The following CLCN2 variants were observed in gnomAD, a reference collection of about 807,000 sequenced individuals.
CLCN2 encodes the protein chloride channel protein 2.
Under a neutral mutation model 108.3 loss-of-function variants are expected in CLCN2, and 72 were observed. The observed-to-expected ratio is 0.66, with a 90% confidence interval of 0.55 to 0.81. The LOEUF (loss-of-function observed/expected upper bound fraction) is 0.81. CLCN2 is among the 30% of genes least tolerant of loss of function. The probability of loss-of-function intolerance (pLI) is 0.00; values close to 1 mark genes in which losing one functional copy is unlikely to be tolerated. For synonymous variants in CLCN2, 471 were observed against 467.1 expected (o/e 1.01, Z -0.11); for missense variants, 1,048 against 1,205.2 (o/e 0.87, Z 1.93).
intron 10 of CLCN2, chr3:184,356,429 T>C (rs1728550144): frequency 1.2e-5 from 2 of 162,832 alleles, no homozygotes; most frequent in Admixed American, 1.1e-4. Context: ...AGACCTGAGG[T>C]CGGGAGTTCG....
Position 184,354,317 on chromosome 3 carries a change from G to A in CLCN2, c.1508-3C>T, listed in dbSNP as rs1482255832. 14 of 1,612,848 alleles carry A rather than the reference G, an allele frequency of 8.7e-6. No individual in the cohort carries two copies. The highest frequency in any genetic ancestry group is 1.1e-5 in the Non-Finnish European group (13 of 1,179,882). ...CGCTCCTGCCAGCGCAGCTGCCCCT[G>A]GGGACAGTCACACTCAGTCTCCTCA... On this transcript the variant is annotated splice_polypyrimidine_tract_variant and splice_region_variant and intron_variant, in intron 14 of 23. Coordinates refer to ENST00000265593, the MANE Select transcript of CLCN2 (RefSeq NM_004366.6).
At chr3:184,353,845 C>G (rs893809328) in intron 15 of CLCN2, 50 bp from the exon 16 acceptor site, 17 of 1,588,480 alleles carry the variant, frequency 1.1e-5, no homozygotes, top group Non-Finnish European at 1.4e-5. Flanking sequence ...GGGAGAGGTG[C>G]CCAGAGCATT....
rs199948879 is a variant in CLCN2, at chr3:184,354,669, G to A, written c.1397-11C>T. The A allele has an allele frequency of 2.7e-6, 4 of 1,465,476 alleles. No individual in the cohort carries two copies. The African/African-American group carries it at 4.3e-5, about 16-fold the overall frequency. 90.8% of individuals were successfully genotyped at this position (1,465,476 alleles called of 1,614,324 possible). On this transcript the variant is annotated splice_polypyrimidine_tract_variant and intron_variant, in intron 13 of 23. Coordinates refer to ENST00000265593, the MANE Select transcript of CLCN2 (RefSeq NM_004366.6). ...GCCCAAATGCTGCTCCTTCAGGGAG[G>A]GGGGTGGGAAGAGAAAGAGGCAGTG...
In CLCN2 at chr3:184,353,027, G is replaced by A. The variant is rs937977088; in HGVS notation, c.2143+6C>T. ...GGCTCTGTGGACACAGGAGACATGG[G>A]CTTACCTGTGGGACTCTCTCCGAGG... On this transcript the variant is annotated splice_donor_region_variant and intron_variant, in intron 18 of 23. Transcript: ENST00000265593. 5 of 1,609,294 alleles carry A rather than the reference G, an allele frequency of 3.1e-6. No individual in the cohort carries two copies. The highest frequency in any genetic ancestry group is 3.4e-6 in the Non-Finnish European group (4 of 1,175,632).
chr3:184,360,213 A>G (rs1711846598), intron 1 of CLCN2, among the ~76,000 whole-genome samples: 1 of 151,560 alleles, frequency 6.6e-6, no homozygotes, highest in Non-Finnish European at 1.5e-5. Flanking sequence ...GGGAGGTGAG[A>G]GTGGGAGAGA....
rs1200465467 is a variant in CLCN2 at position 184,358,691 on chromosome 3, A to C, written c.343T>G (p.Cys115Gly). The C allele has an allele frequency of 6.3e-7, 1 of 1,577,354 alleles. No individual in the cohort carries two copies. The highest frequency in any genetic ancestry group is 1.8e-5 in the Admixed American group (1 of 54,904). The stretch of plus-strand genomic sequence containing the variant: ...CAGCTGTCACCCTCACCTTGCAGAC[A>C]GGCAGCAATGGCATAGTCCATGACC... ...SWVMDYAIAA[C>G]LQAQQWMSRG... The change falls in exon 3 of 24, where the codon TGT (cysteine) becomes GGT (glycine). Residue 115 changes from cysteine to glycine, a missense_variant. Cys to Gly is a radical substitution (Grantham distance 159, BLOSUM62 -3). Coordinates refer to ENST00000265593, the MANE Select transcript of CLCN2 (RefSeq NM_004366.6).
At chr3:184,359,879 A>T (rs1319500784) in intron 1 of CLCN2, among the ~76,000 whole-genome samples, 1 of 150,274 alleles carries the variant, frequency 6.7e-6, no homozygotes, top group Non-Finnish European at 1.5e-5. Flanking sequence ...CGCCTGAACC[A>T]TGGCTAGACC....
In CLCN2 at chr3:184,358,264, C is replaced by G; in HGVS notation, c.399G>C (p.Gln133His). The G allele has an allele frequency of 6.2e-7, 1 of 1,614,172 alleles. No individual in the cohort carries two copies. The highest frequency in any genetic ancestry group is 1.1e-5 in the South Asian group (1 of 91,090). The change falls in exon 4 of 24, where the codon CAG becomes CAC. Residue 133 changes from glutamine (Q) to histidine (H), a missense_variant. By Grantham distance (24) the Gln-to-His change is conservative. Coordinates refer to ENST00000265593, the MANE Select transcript of CLCN2 (RefSeq NM_004366.6). Reference sequence around the variant, plus strand: ...CAGGGTAGGTGACCCAGGCCAGGTACTGGAGCAAGATGCTGGTGTTCAAGC... The same window carrying G: ...CAGGGTAGGTGACCCAGGCCAGGTAGTGGAGCAAGATGCTGGTGTTCAAGC... ...SRGLNTSILL[Q>H]YLAWVTYPVV...
At position 184,352,294 on chromosome 3, in the gene CLCN2, T is replaced by C; in HGVS notation, c.2309A>G (p.Glu770Gly). 6.2e-7 allele frequency: 1 copy of C among 1,613,408 alleles called. No homozygotes were observed. The highest frequency in any genetic ancestry group is 1.1e-5 in the South Asian group (1 of 91,048). ...GTCCAGAGTCCAGTGGCACCTTACC[T>C]CTTCAGGGCTCATCTCGCCTTCCAG... ...ADLEGEMSPE[E>G]ILEWEEQQLD... The change falls in exon 21 of 24, where the codon GAG becomes GGG. Residue 770 changes from glutamate (E) to glycine (G), a missense_variant and splice_region_variant. Transcript: ENST00000265593.
At chr3:184,348,209 G>A (rs1157862763) in intron 22 of CLCN2, 1 of 152,178 alleles carries the variant, frequency 6.6e-6, no homozygotes, top group African/African-American at 2.4e-5. Flanking sequence ...TTCAATTTTA[G>A]AATAAGCTCT....
In CLCN2 at chr3:184,352,210, G is replaced by T; in HGVS notation, c.2310+83C>A. On this transcript the variant is annotated intron_variant, in intron 21 of 23. Coordinates refer to ENST00000265593, the MANE Select transcript of CLCN2 (RefSeq NM_004366.6). ...GGCCTGCCCTTTTTCCAACCCCGTG[G>T]TCCCTCCCATGGGGACAGCAGCCAA... 3.1e-6 allele frequency: 5 copies of T among 1,602,760 alleles called. 1 individual carries two copies. The highest frequency in any genetic ancestry group is 1.7e-4 in the Middle Eastern group (1 of 5,888).
rs778982521 is a variant in CLCN2 at position 184,354,271 on chromosome 3, C to T, written c.1551G>A (p.Thr517=). Residue 517 remains threonine (T), a synonymous_variant, in exon 15 of 24, where the codon ACG becomes ACA. Transcript: ENST00000265593. ...LAGAVTHTVS[T]AVIVFELTGQ... is the part of the protein sequence containing the mutation. ...CTGTGAGCTCGAACACGATCACAGC[C>T]GTGGACACTGTGTGTGTCACCGCTC... is the stretch of plus-strand genomic sequence containing the variant. The T allele has an allele frequency of 1.2e-5, 20 of 1,612,902 alleles. No homozygotes were observed. Among genetic ancestry groups the T allele is most frequent in the Non-Finnish European group, 1.3e-5 (15 of 1,179,948 alleles).
chr3:184,353,965 C>T, intron 15 of CLCN2, 136 bp downstream of exon 15: 1 of 1,348,896 alleles, frequency 7.4e-7, no homozygotes, highest in Admixed American at 2.0e-5. Flanking sequence ...CAGCTACAGC[C>T]CCTCCAGAGT....
chr3:184,349,197 A>C (rs985529959), intron 22 of CLCN2: 2 of 152,166 alleles, frequency 1.3e-5, no homozygotes, highest in African/African-American at 4.8e-5. Flanking sequence ...TTTTAGTTAA[A>C]AAAATTTTCT....
Position 184,361,334 on chromosome 3 carries a change from GC to G in CLCN2, c.63+82del. 1 of 1,377,098 alleles carries G rather than the reference GC, an allele frequency of 7.3e-7. No individual in the cohort carries two copies. 85.3% of individuals were successfully genotyped at this position (1,377,098 alleles called of 1,614,324 possible). A position where few individuals can be genotyped will look rare whatever the true frequency, so the allele number is the denominator to read the frequency against. The stretch of plus-strand genomic sequence containing the variant: ...AAATGCTAGGACAGGATTAGGGTAG[GC>G]CCCTGGTCCTCGCGCTTCCCAGGGT... On this transcript the variant is annotated intron_variant, in intron 1 of 23. Coordinates refer to ENST00000265593, the MANE Select transcript of CLCN2 (RefSeq NM_004366.6). This position sits in a 1 kb window ranked among gnomAD's most constrained non-coding sequence, Gnocchi z 6.6.
chr3:184,346,581 C>T lies in CLCN2; in HGVS notation c.*25G>A. ...TCTGGGCTGACGGGCATGGCTAGCACCATCCTAGGCCACCCACGAGGGGCT... is the reference window on the plus strand; with the variant it reads ...TCTGGGCTGACGGGCATGGCTAGCATCATCCTAGGCCACCCACGAGGGGCT... On this transcript the variant is annotated 3_prime_UTR_variant, in exon 24 of 24. Transcript: ENST00000265593. The surrounding 1 kb of genome is among the most constrained non-coding windows in gnomAD (Gnocchi z 6.0). 4.3e-6 allele frequency: 7 copies of T among 1,612,700 alleles called. No homozygotes were observed. The highest frequency in any genetic ancestry group is 5.1e-6 in the Non-Finnish European group (6 of 1,179,486).
At chr3:184,347,683 C>G (rs1042391761) in intron 22 of CLCN2, 18 of 164,036 alleles carry the variant, frequency 1.1e-4, no homozygotes, top group African/African-American at 3.8e-4. Flanking sequence ...CTCTGGCATT[C>G]CAGTCTTGGC....
At position 184,352,285 on chromosome 3, in the gene CLCN2, C is replaced by G. The variant is rs1661801838; in HGVS notation, c.2310+8G>C. On this transcript the variant is annotated splice_region_variant and intron_variant, in intron 21 of 23. Coordinates refer to ENST00000265593, the MANE Select transcript of CLCN2 (RefSeq NM_004366.6). ...AGAAACAGGGTCCAGAGTCCAGTGG[C>G]ACCTTACCTCTTCAGGGCTCATCTC... is the stretch of plus-strand genomic sequence containing the variant. 6.2e-7 allele frequency: 1 copy of G among 1,613,474 alleles called. No individual in the cohort carries two copies. Among genetic ancestry groups the G allele is most frequent in the African/African-American group, 1.3e-5 (1 of 75,008 alleles).
At chr3:184,353,816 T>C (rs753571021) in intron 15 of CLCN2, 21 bp from the exon 16 acceptor site, 17 of 1,600,630 alleles carry the variant, frequency 1.1e-5, no homozygotes, top group Non-Finnish European at 1.4e-5. Context: ...AGAGAGGCGC[T>C]TGGTTTGTGG....
Sources: gnomAD v4.1 joint callset for allele counts (sites outside exome capture counted in the v4.1 genomes callset) on GRCh38, gnomAD v4.1.1 for gene constraint, Gnocchi (gnomAD v3.1) non-coding constraint, MANE v1.5 for transcripts, NCBI Gene and HGNC (gene_info 2026-07-23, HGNC 2026-07-21) for gene names.